Variants in PRKG1 observed in about 807,000 individuals in gnomAD.
PRKG1 encodes the protein protein kinase cGMP-dependent 1.
PRKG1 carries 35 observed loss-of-function variants against 88.1 expected under a neutral mutation model. That is an observed-to-expected ratio of 0.40 (90% confidence interval 0.30 to 0.53). The LOEUF is 0.53. PRKG1 is among the 20% of genes least tolerant of loss of function. The pLI is 0.59. For synonymous variants in PRKG1, 303 were observed against 292.5 expected (o/e 1.04, Z -0.37); for missense variants, 540 against 839.8 (o/e 0.64, Z 4.41).
At chr10:51,224,898 A>G (rs1269920475) in intron 2 of PRKG1, among the ~76,000 whole-genome samples, 1 of 152,206 alleles carries the variant, frequency 6.6e-6, no homozygotes, top group East Asian at 1.9e-4. Context: ...GAAATAATCC[A>G]TGAAAACTGT....
chr10:51,635,562 G>A lies in PRKG1; in HGVS notation c.592+167726G>A, dbSNP rs545507357. Reference sequence around the variant, plus strand: ...AGGCACCTTTTGACCATACTTGGGTGTTGATTAGAAAAATCAACCATTGTG... The same window carrying A: ...AGGCACCTTTTGACCATACTTGGGTATTGATTAGAAAAATCAACCATTGTG... On this transcript the variant is annotated intron_variant, in intron 3 of 17. Transcript: ENST00000373980. 4.7e-4 allele frequency among the ~76,000 whole-genome samples: 72 copies of A among 152,204 alleles called. 1 individual carries two copies. Among genetic ancestry groups the A allele is most frequent in the South Asian group, 3.7e-3 (18 of 4,820 alleles).
chr10:51,305,844 T>C (rs754021455), intron 2 of PRKG1, among the ~76,000 whole-genome samples: 1 of 152,188 alleles, frequency 6.6e-6, no homozygotes, highest in Non-Finnish European at 1.5e-5. Flanking sequence ...TGAATTAATA[T>C]CACGTTCCTG....
chr10:51,667,359 C>T lies in PRKG1; in HGVS notation c.593-137226C>T, dbSNP rs1055178294. Among the ~76,000 whole-genome samples the T allele has an allele frequency of 2.0e-5, 3 of 152,058 alleles. No individual in the cohort carries two copies. In the East Asian group the frequency reaches 5.8e-4, roughly 29 times the overall value. On this transcript the variant is annotated intron_variant, in intron 3 of 17. Transcript: ENST00000373980. Reference sequence around the variant, plus strand: ...ATACCAAAGTAGAATAACATAAAAACACTATTTTTAGATACGTACAGCCTT... The same window carrying T: ...ATACCAAAGTAGAATAACATAAAAATACTATTTTTAGATACGTACAGCCTT...
chr10:51,046,225 T>C (rs778921561), intron 1 of PRKG1, among the ~76,000 whole-genome samples: 2 of 152,242 alleles, frequency 1.3e-5, no homozygotes, highest in Non-Finnish European at 2.9e-5. Flanking sequence ...TTAGTAATTT[T>C]AACCAACCAA....
chr10:51,678,940 G>A (rs1840777581), intron 3 of PRKG1, among the ~76,000 whole-genome samples: 1 of 152,164 alleles, frequency 6.6e-6, no homozygotes, highest in Non-Finnish European at 1.5e-5. Flanking sequence ...TTATTAATCT[G>A]AGTGGTCTCC....
At chr10:51,272,241 C>T (rs1839999394) in intron 2 of PRKG1, among the ~76,000 whole-genome samples, 3 of 151,972 alleles carry the variant, frequency 2.0e-5, no homozygotes. Context: ...TGTTCATTTC[C>T]TTTGCCCACT....
intron 2 of PRKG1, among the ~76,000 whole-genome samples, chr10:51,242,027 G>A (rs1372796378): frequency 6.6e-6 from 1 of 150,510 alleles, no homozygotes; most frequent in Admixed American, 6.6e-5. Context: ...GAAACAAAAA[G>A]ATTGCTGAAT....
At chr10:51,126,908 T>C (rs1845440008) in intron 1 of PRKG1, among the ~76,000 whole-genome samples, 1 of 152,152 alleles carries the variant, frequency 6.6e-6, no homozygotes, top group African/African-American at 2.4e-5. Context: ...TGACTAGCCA[T>C]GTGCAGAAAA....
intron 7 of PRKG1, among the ~76,000 whole-genome samples, chr10:52,094,666 T>C (rs1448856089): frequency 6.6e-6 from 1 of 152,166 alleles, no homozygotes; most frequent in East Asian, 1.9e-4. Flanking sequence ...GCATGGTAAG[T>C]TCTGGTGAGA....
At chr10:51,106,835 T>C (rs1489939944) in intron 1 of PRKG1, among the ~76,000 whole-genome samples, 3 of 152,188 alleles carry the variant, frequency 2.0e-5, no homozygotes, top group African/African-American at 7.2e-5. Context: ...TCATCAAGTG[T>C]TTAGTGAGCA....
intron 2 of PRKG1, among the ~76,000 whole-genome samples, chr10:51,239,080 C>T (rs1011507977): frequency 6.6e-6 from 1 of 151,864 alleles, no homozygotes; most frequent in African/African-American, 2.4e-5. Context: ...ATTTTGAAAA[C>T]ATGCTAAATA....
intron 3 of PRKG1, among the ~76,000 whole-genome samples, chr10:51,627,905 T>TCCTTCCC (rs1839381218): frequency 7.0e-6 from 1 of 142,130 alleles, no homozygotes; most frequent in South Asian, 2.6e-4. Context: ...CTTCCTTCCC[T>TCCTTCCC]TCCTTCCCTT....
At chr10:52,034,270 A>G (rs1442239936) in intron 5 of PRKG1, among the ~76,000 whole-genome samples, 10 of 148,750 alleles carry the variant, frequency 6.7e-5, no homozygotes, top group African/African-American at 2.3e-4. Context: ...TTGGGGCGGC[A>G]AAAATTTTTG....
chr10:51,744,672 G>A (rs538834479), intron 3 of PRKG1, among the ~76,000 whole-genome samples: 1 of 152,302 alleles, frequency 6.6e-6, no homozygotes, highest in South Asian at 2.1e-4. Context: ...TATGACTGGA[G>A]ATTTTTGAGC....
intron 9 of PRKG1, among the ~76,000 whole-genome samples, chr10:52,230,211 C>T (rs2132349995): frequency 6.6e-6 from 1 of 152,244 alleles, no homozygotes; most frequent in East Asian, 1.9e-4. Context: ...TAACACCTTA[C>T]TTATCTCTAG....
chr10:51,155,041 G>T (rs939423970), intron 2 of PRKG1, among the ~76,000 whole-genome samples: 2 of 151,962 alleles, frequency 1.3e-5, no homozygotes, highest in Non-Finnish European at 2.9e-5. Context: ...TATTATATTG[G>T]TCAGCACCTT....
intron 2 of PRKG1, among the ~76,000 whole-genome samples, chr10:51,219,519 C>T (rs962725315): frequency 6.6e-6 from 1 of 151,662 alleles, no homozygotes; most frequent in African/African-American, 2.4e-5. Context: ...ACCAGCCTGG[C>T]CAACATAGTG....
At chr10:51,731,099 TGA>T (rs1477270164) in intron 3 of PRKG1, among the ~76,000 whole-genome samples, 1 of 152,130 alleles carries the variant, frequency 6.6e-6, no homozygotes, top group Admixed American at 6.5e-5. Context: ...GAGGTTGCAG[TGA>T]GCCGACATGA....
intron 2 of PRKG1, among the ~76,000 whole-genome samples, chr10:51,167,619 C>G (rs544591792): frequency 6.6e-6 from 1 of 152,144 alleles, no homozygotes; most frequent in South Asian, 2.1e-4. Flanking sequence ...GTAATCGAAG[C>G]AAAATATAAT....
Sources: allele counts gnomAD v4.1 joint callset (sites outside exome capture counted in the v4.1 genomes callset), GRCh38; gene constraint gnomAD v4.1.1; transcripts MANE v1.5; gene names NCBI Gene and HGNC (gene_info 2026-07-23, HGNC 2026-07-21).